The following C19orf44 variants were observed in gnomAD, a reference collection of about 807,000 sequenced individuals.
C19orf44 encodes uncharacterized protein C19orf44.
A neutral mutation model predicts 50.7 loss-of-function variants in C19orf44; 43 were observed. That is an observed-to-expected ratio of 0.85 (90% CI 0.66 to 1.09). The LOEUF is 1.09. Among genes scored for constraint, C19orf44 ranks in the 50% least tolerant of loss-of-function variants. The pLI, the probability that C19orf44 is intolerant of heterozygous loss-of-function variation, is 0.00. For missense variants in C19orf44, 722 were observed against 836.2 expected (o/e 0.86, Z 1.68); for synonymous variants, 298 against 334.7 (o/e 0.89, Z 1.20).
intron 4 of C19orf44, 52 bp from the exon 5 acceptor site, chr19:16,509,447 T>C (rs747169478): frequency 1.5e-4 from 235 of 1,522,324 alleles, no homozygotes; most frequent in Non-Finnish European, 2.0e-4. Context: ...GTTCCTAGCA[T>C]GTTGATATTT....
chr19:16,516,026 G>A (rs1363664673), intron 7 of C19orf44, among the ~76,000 whole-genome samples: 1 of 152,140 alleles, frequency 6.6e-6, no homozygotes, highest in Admixed American at 6.5e-5. Context: ...TTGAACTCCC[G>A]ACCACAGGTG....
rs746079130 is a variant in C19orf44 at position 16,500,788 on chromosome 19, A to G, written c.-1-4A>G. On this transcript the variant is annotated splice_region_variant and splice_polypyrimidine_tract_variant and intron_variant, in intron 1 of 8. Transcript: ENST00000221671. ...TATGCAAAATTGCTCCTCTTCCTCC[A>G]CAGAATGGCTTCTGCAAGGAAAGCC... 1.3e-6 allele frequency: 2 copies of G among 1,562,932 alleles called. No individual in the cohort carries two copies. The highest frequency in any genetic ancestry group is 4.5e-5 in the East Asian group (2 of 44,448).
chr19:16,511,155 G>A (rs1439855477), intron 5 of C19orf44, among the ~76,000 whole-genome samples: 1 of 151,884 alleles, frequency 6.6e-6, no homozygotes, highest in African/African-American at 2.4e-5. Flanking sequence ...TCCTGCCTCA[G>A]CCTCCTGAAT....
Position 16,501,024 on chromosome 19 carries a change from T to C in C19orf44, c.232T>C (p.Ser78Pro). Residue 78 changes from serine to proline, a missense_variant, in exon 2 of 9, where the codon TCA becomes CCA. Physicochemically the swap from Ser to Pro is moderately conservative, Grantham distance 74. Coordinates refer to ENST00000221671, the MANE Select transcript of C19orf44 (RefSeq NM_032207.4). ...GCTCGGGAGTGGACCCAGGCTTGCC[T>C]CATGTAGACCGCCCACCACTGCCTC... ...PVLGSGPRLASCRPPTTASRI... is the reference protein window; with the variant it reads ...PVLGSGPRLAPCRPPTTASRI... 1 of 1,614,064 alleles carries C rather than the reference T, an allele frequency of 6.2e-7. No homozygotes were observed. The highest frequency in any genetic ancestry group is 8.5e-7 in the Non-Finnish European group (1 of 1,180,000).
Position 16,521,259 on chromosome 19 carries a change from G to A in C19orf44, c.*1206G>A. ...GACCACTGGGAAGGGTGGGCTGAGG[G>A]CCCTGTGGCAGCCGGCTGCTTGAGA... On this transcript the variant is annotated 3_prime_UTR_variant, in exon 9 of 9. Transcript: ENST00000221671. 3.5e-6 allele frequency: 2 copies of A among 568,198 alleles called. No individual in the cohort carries two copies. The highest frequency in any genetic ancestry group is 4.5e-5 in the South Asian group (2 of 44,094). 35.2% of individuals were successfully genotyped at this position (568,198 alleles called of 1,614,324 possible).
chr19:16,503,184 C>T lies in C19orf44; in HGVS notation c.879C>T (p.Arg293=). 6.2e-7 allele frequency: 1 copy of T among 1,614,168 alleles called. No individual in the cohort carries two copies. The highest frequency in any genetic ancestry group is 1.1e-5 in the South Asian group (1 of 91,084). ...CAGACAGAACCCTTCACAGCACTCG[C>T]TCAAGAGCAGACTACCCACAGAGTC... ...LAADRTLHST[R]SRADYPQSHV... is the part of the protein sequence containing the mutation. The change falls in exon 3 of 9, where the codon CGC becomes CGT. Residue 293 remains arginine (R), a synonymous_variant. Coordinates refer to ENST00000221671, the MANE Select transcript of C19orf44 (RefSeq NM_032207.4).
chr19:16,514,808 T>C (rs1391103918), intron 7 of C19orf44, 145 bp downstream of exon 7: 4 of 960,058 alleles, frequency 4.2e-6, no homozygotes, highest in East Asian at 6.2e-5. Flanking sequence ...CACCTGTCCC[T>C]GTGGAGGGAG....
intron 6 of C19orf44, 99 bp from the exon 7 acceptor site, chr19:16,514,398 A>AT: frequency 7.9e-7 from 1 of 1,273,000 alleles, no homozygotes; most frequent in Non-Finnish European, 1.1e-6. Flanking sequence ...AAAAAAAAAA[A>AT]AGATTTCAGA....
intron 6 of C19orf44, 127 bp from the exon 7 acceptor site, chr19:16,514,370 C>T (rs924489434): frequency 3.8e-5 from 38 of 1,000,876 alleles, no homozygotes; most frequent in African/African-American, 2.0e-4. Flanking sequence ...GGTGGCAGAG[C>T]GAGACCCTGT....
At chr19:16,506,254 C>T (rs1449679537) in intron 3 of C19orf44, among the ~76,000 whole-genome samples, 5 of 151,768 alleles carry the variant, frequency 3.3e-5, no homozygotes, top group East Asian at 2.0e-4. Flanking sequence ...GGATTACAGG[C>T]GTGAGTCACC....
intron 2 of C19orf44, 105 bp downstream of exon 2, chr19:16,501,656 G>A (rs1196154722): frequency 8.4e-6 from 7 of 828,554 alleles, no homozygotes; most frequent in South Asian, 8.1e-5. Context: ...GCAATGGCAC[G>A]ATCTCTGCTC....
At position 16,514,670 on chromosome 19, in the gene C19orf44, G is replaced by C; in HGVS notation, c.1902+7G>C. ...CCTGGAGGAAGCCAAAGAGGTGAGC[G>C]CAGCTCCCCATGGGCAGGGGCAGGG... On this transcript the variant is annotated splice_region_variant and intron_variant, in intron 7 of 8. Transcript: ENST00000221671. 6.4e-7 allele frequency: 1 copy of C among 1,558,972 alleles called. No individual in the cohort carries two copies. Among genetic ancestry groups the C allele is most frequent in the Non-Finnish European group, 8.7e-7 (1 of 1,151,674 alleles).
chr19:16,510,978 T>C (rs940078936), intron 5 of C19orf44, among the ~76,000 whole-genome samples: 3 of 151,692 alleles, frequency 2.0e-5, no homozygotes, highest in Non-Finnish European at 2.9e-5. Context: ...TCAAGCAATC[T>C]GTCAGCCTTA....
intron 1 of C19orf44, among the ~76,000 whole-genome samples, chr19:16,498,947 G>T (rs2093417359): frequency 6.6e-6 from 1 of 152,164 alleles, no homozygotes; most frequent in Non-Finnish European, 1.5e-5. Context: ...TGGGATTACA[G>T]GCGTGAGCCA....
At position 16,519,192 on chromosome 19, in the gene C19orf44, G is replaced by A. The variant is rs746597113; in HGVS notation, c.*41-902G>A. ...ACTCGTCCCTGGCCTTCATGCGGGC[G>A]ATGAAGGAGTAGCTCTTGTTCCTGC... is the stretch of plus-strand genomic sequence containing the variant. On this transcript the variant is annotated intron_variant, in intron 8 of 8. Transcript: ENST00000221671. This position sits in a 1 kb window ranked among gnomAD's most constrained non-coding sequence, Gnocchi z 6.0. The A allele has an allele frequency of 1.8e-5, 29 of 1,613,938 alleles. No homozygotes were observed. The East Asian group carries it at 2.0e-4, about 11-fold the overall frequency.
intron 1 of C19orf44, among the ~76,000 whole-genome samples, chr19:16,497,159 G>T (rs1304495083): frequency 6.6e-6 from 1 of 151,850 alleles, no homozygotes; most frequent in Non-Finnish European, 1.5e-5. Context: ...TGTTTGCCAC[G>T]CTGGTCTCGA....
chr19:16,510,012 C>G (rs749739462), intron 5 of C19orf44, 24 bp downstream of exon 5: 1 of 1,614,000 alleles, frequency 6.2e-7, no homozygotes, highest in Non-Finnish European at 8.5e-7. Flanking sequence ...CCCGTGGGGG[C>G]CGGGGCAGCC....
intron 5 of C19orf44, chr19:16,510,262 C>T (rs1355293722): frequency 4.9e-6 from 2 of 409,954 alleles, no homozygotes; most frequent in South Asian, 2.1e-5. Flanking sequence ...CAAAAATTAG[C>T]TGGCTGTGGT....
Position 16,509,728 on chromosome 19 carries a change from T to A in C19orf44, c.1379T>A (p.Met460Lys), listed in dbSNP as rs750403686. 6 of 1,614,102 alleles carry A rather than the reference T, an allele frequency of 3.7e-6. No individual in the cohort carries two copies. In the African/African-American group the frequency reaches 6.7e-5, roughly 18 times the overall value. ...ATGCAGCCACCATCTGAAGCCCCCATGGTGAACACAGTCAGCTCAGCTTAT... is the reference window on the plus strand; with the variant it reads ...ATGCAGCCACCATCTGAAGCCCCCAAGGTGAACACAGTCAGCTCAGCTTAT... ...SSMQPPSEAP[M>K]VNTVSSAYSE... The change falls in exon 5 of 9, where the codon ATG becomes AAG. Residue 460 changes from methionine to lysine, a missense_variant. Met to Lys is a moderately conservative substitution (Grantham distance 95). Transcript: ENST00000221671.
Sources: gnomAD v4.1 joint callset for allele counts (sites outside exome capture counted in the v4.1 genomes callset) on GRCh38, gnomAD v4.1.1 for gene constraint, Gnocchi (gnomAD v3.1) non-coding constraint, MANE v1.5 for transcripts, NCBI Gene and HGNC (gene_info 2026-07-23, HGNC 2026-07-21) for gene names.